Variants in NFIA observed in about 807,000 individuals in gnomAD.
The protein encoded by NFIA is nuclear factor I A, also known as nuclear factor 1 A-type.
NFIA carries 8 observed loss-of-function variants against 62.8 expected under a neutral mutation model. That is an observed-to-expected ratio of 0.13 (90% CI 0.07 to 0.23). The LOEUF is 0.23. Ranked by LOEUF, NFIA falls within the 10% of genes least tolerant of loss-of-function variation. The pLI is 1.00. For missense variants in NFIA, 410 were observed against 642.1 expected, an observed-to-expected ratio of 0.64 and a Z score of 3.91; for synonymous variants, 235 against 238.1, an observed-to-expected ratio of 0.99 and a Z score of 0.12.
At chr1:61,262,852 C>CT (rs1248122247) in intron 2 of NFIA, among the ~76,000 whole-genome samples, 2 of 152,152 alleles carry the variant, frequency 1.3e-5, no homozygotes, top group Admixed American at 1.3e-4. Flanking sequence ...GAAAGAAGGA[C>CT]TTTCATCCCT....
chr1:61,260,986 G>C (rs767542911), intron 2 of NFIA, among the ~76,000 whole-genome samples: 1 of 152,230 alleles, frequency 6.6e-6, no homozygotes, highest in Non-Finnish European at 1.5e-5. Context: ...GTTTGTCAGT[G>C]ATGTCTGAAG....
intron 2 of NFIA, among the ~76,000 whole-genome samples, chr1:61,204,130 C>T (rs879713962): frequency 3.3e-5 from 5 of 152,214 alleles, no homozygotes; most frequent in African/African-American, 4.8e-5. Context: ...GGCCTTTCTG[C>T]ATCCACATTG....
chr1:61,321,145 A>T (rs1660656731), intron 3 of NFIA, among the ~76,000 whole-genome samples: 1 of 151,872 alleles, frequency 6.6e-6, no homozygotes. Context: ...AAGCTTATAA[A>T]ATACTGATAC....
At chr1:61,303,905 C>T (rs72911947) in intron 3 of NFIA, among the ~76,000 whole-genome samples, 4 of 152,178 alleles carry the variant, frequency 2.6e-5, no homozygotes, top group African/African-American at 7.2e-5. Context: ...TATGCTGTTC[C>T]GAGTACACTG....
intron 2 of NFIA, among the ~76,000 whole-genome samples, chr1:61,246,210 A>C (rs2100650988): frequency 6.6e-6 from 1 of 152,302 alleles, no homozygotes; most frequent in African/African-American, 2.4e-5. Flanking sequence ...AATGCTGTTT[A>C]AAAAGAGGAA....
chr1:61,453,294 C>T (rs747575406), intron 10 of NFIA, among the ~76,000 whole-genome samples: 5 of 151,988 alleles, frequency 3.3e-5, no homozygotes, highest in Non-Finnish European at 5.9e-5. Context: ...CATGATGTAA[C>T]ACCAGGATGA....
intron 10 of NFIA, among the ~76,000 whole-genome samples, chr1:61,427,008 G>C (rs1458881463): frequency 2.0e-5 from 3 of 152,164 alleles, no homozygotes; most frequent in Non-Finnish European, 4.4e-5. Context: ...AAGAAAGAGG[G>C]AGAAAAGGGT....
intron 2 of NFIA, among the ~76,000 whole-genome samples, chr1:61,161,969 A>G (rs1352563870): frequency 1.3e-5 from 2 of 152,218 alleles, no homozygotes; most frequent in Non-Finnish European, 2.9e-5. Context: ...GGTGAATGTA[A>G]GCAATTTTGT....
intron 3 of NFIA, among the ~76,000 whole-genome samples, chr1:61,286,557 C>T (rs1658514664): frequency 6.6e-6 from 1 of 152,078 alleles, no homozygotes; most frequent in African/African-American, 2.4e-5. Flanking sequence ...GAAAAGACAC[C>T]ATTTGTTCGT....
intron 2 of NFIA, among the ~76,000 whole-genome samples, chr1:61,098,325 T>G (rs780972767): frequency 1.3e-5 from 2 of 152,222 alleles, no homozygotes; most frequent in Non-Finnish European, 2.9e-5. Context: ...AAGCAAAGAT[T>G]CTAGATAAGA....
At chr1:61,373,065 C>T (rs749913067) in intron 6 of NFIA, among the ~76,000 whole-genome samples, 14 of 152,110 alleles carry the variant, frequency 9.2e-5, no homozygotes, top group Admixed American at 2.6e-4. Flanking sequence ...CTATGAACTA[C>T]GGAATACTTA....
At chr1:61,271,331 G>T (rs1018535319) in intron 2 of NFIA, among the ~76,000 whole-genome samples, 6 of 152,078 alleles carry the variant, frequency 3.9e-5, no homozygotes, top group Admixed American at 6.5e-5. Context: ...TCTTATCATC[G>T]TACACAGTAC....
intron 2 of NFIA, among the ~76,000 whole-genome samples, chr1:61,214,261 C>G (rs1304710415): frequency 6.6e-6 from 1 of 151,954 alleles, no homozygotes; most frequent in Non-Finnish European, 1.5e-5. Flanking sequence ...CTGGATGTTC[C>G]TTGCTGGAAG....
chr1:61,354,096 A>ACACAATT (rs1226599482), intron 5 of NFIA, among the ~76,000 whole-genome samples: 2 of 152,142 alleles, frequency 1.3e-5, no homozygotes, highest in South Asian at 2.1e-4. Flanking sequence ...TTATGTTTTC[A>ACACAATT]CACAATTCTC....
In NFIA at chr1:61,401,471, A is replaced by G. The variant is rs114825832; in HGVS notation, c.1076-2633A>G. ...GAAAGGATGTTTATAACAGTTAATG[A>G]GGAGATGACAGGGTGCTTTTGAGTT... On this transcript the variant is annotated intron_variant, in intron 7 of 10. Transcript: ENST00000403491. Among the ~76,000 whole-genome samples, 883 of 152,314 alleles carry G rather than the reference A, an allele frequency of 5.8e-3. 7 individuals carry two copies. Among genetic ancestry groups the G allele is most frequent in the African/African-American group, 0.02 (830 of 41,560 alleles).
intron 3 of NFIA, among the ~76,000 whole-genome samples, chr1:61,294,171 A>C (rs1357067452): frequency 6.6e-6 from 1 of 152,222 alleles, no homozygotes; most frequent in Non-Finnish European, 1.5e-5. Context: ...GACTCTTCTC[A>C]TCTCCAATTT....
At chr1:61,181,375 G>A (rs1650750119) in intron 2 of NFIA, among the ~76,000 whole-genome samples, 1 of 152,220 alleles carries the variant, frequency 6.6e-6, no homozygotes, top group Non-Finnish European at 1.5e-5. Context: ...TGAGGGAATT[G>A]CAAATAACAT....
At chr1:61,381,945 G>C (rs1664437844) in intron 6 of NFIA, among the ~76,000 whole-genome samples, 1 of 152,122 alleles carries the variant, frequency 6.6e-6, no homozygotes, top group South Asian at 2.1e-4. Context: ...CACAGTACAT[G>C]GTACTCCATA....
chr1:61,110,732 C>T lies in NFIA; in HGVS notation c.559+22052C>T, dbSNP rs556550495. Among the ~76,000 whole-genome samples, 14 of 152,110 alleles carry T rather than the reference C, an allele frequency of 9.2e-5. No homozygotes were observed. The East Asian group carries it at 2.5e-3, about 27-fold the overall frequency. On this transcript the variant is annotated intron_variant, in intron 2 of 10. Coordinates refer to ENST00000403491, the MANE Select transcript of NFIA (RefSeq NM_001134673.4). Reference sequence around the variant, plus strand: ...TAAGTTTCTTACCATGGTGAAATGACAAGAATACCACTCAGGCATTGGCTG... The same window carrying T: ...TAAGTTTCTTACCATGGTGAAATGATAAGAATACCACTCAGGCATTGGCTG...
Sources: gnomAD v4.1 joint callset for allele counts (sites outside exome capture counted in the v4.1 genomes callset) on GRCh38, gnomAD v4.1.1 for gene constraint, MANE v1.5 for transcripts, NCBI Gene and HGNC (gene_info 2026-07-23, HGNC 2026-07-21) for gene names.